Variants in FAM168B observed in about 807,000 individuals in gnomAD.
FAM168B encodes the protein family with sequence similarity 168 member B.
FAM168B carries 19 observed loss-of-function variants against 21.8 expected under a neutral mutation model. The observed-to-expected ratio is 0.87, with a 90% CI of 0.61 to 1.28. The LOEUF is 1.28. Ranked by LOEUF, FAM168B falls within the 50% of genes most tolerant of loss-of-function variation. FAM168B has a pLI of 0.00. For synonymous variants in FAM168B, 126 were observed against 104.8 expected (o/e 1.20, Z -1.24); for missense variants, 233 against 263.1 (o/e 0.89, Z 0.79).
At chr2:131,060,185 C>A (rs1003962648) in intron 3 of FAM168B, among the ~76,000 whole-genome samples, 16 of 152,254 alleles carry the variant, frequency 1.1e-4, no homozygotes, top group African/African-American at 3.4e-4. Context: ...ACCACCACAC[C>A]CAGCTAATTT....
At chr2:131,060,580 T>C (rs183387312) in intron 3 of FAM168B, among the ~76,000 whole-genome samples, 18 of 152,316 alleles carry the variant, frequency 1.2e-4, no homozygotes, top group African/African-American at 3.8e-4. Flanking sequence ...AGGGGGTAAC[T>C]GGGCAAATGT....
rs1353810128 is a variant in FAM168B at position 131,086,961 on chromosome 2, A to T, written c.-11-4304T>A. On this transcript the variant is annotated intron_variant, in intron 1 of 6. Coordinates refer to ENST00000389915, the MANE Select transcript of FAM168B (RefSeq NM_001009993.4). ...GCGCCTGTAGTCCCAGCTACTCGGG[A>T]GGCTGAGGCAGGAGAATGGTGTGAA... 3.4e-5 allele frequency among the ~76,000 whole-genome samples: 4 copies of T among 118,468 alleles called. 1 individual carries two copies. The highest frequency in any genetic ancestry group is 6.3e-5 in the Non-Finnish European group (4 of 63,072). The allele number at this position is 118,468 out of a possible 152,430, so 77.7% of individuals were successfully genotyped here.
intron 1 of FAM168B, among the ~76,000 whole-genome samples, chr2:131,084,190 C>G (rs1402474742): frequency 7.9e-6 from 1 of 126,868 alleles, no homozygotes; most frequent in South Asian, 3.3e-4. Context: ...CTCCCCTCCG[C>G]CCCCCCCACC....
chr2:131,074,516 C>A (rs1279027654), intron 2 of FAM168B, among the ~76,000 whole-genome samples: 2 of 152,128 alleles, frequency 1.3e-5, no homozygotes, highest in Non-Finnish European at 2.9e-5. Flanking sequence ...CTGTGAGAAG[C>A]TGTAACTTCT....
chr2:131,069,252 A>G (rs1456898165), intron 3 of FAM168B, among the ~76,000 whole-genome samples: 1 of 152,254 alleles, frequency 6.6e-6, no homozygotes, highest in African/African-American at 2.4e-5. Context: ...GAAATGAGTA[A>G]AAGTGGGCTA....
chr2:131,076,553 T>C (rs1479829502), intron 2 of FAM168B, among the ~76,000 whole-genome samples: 1 of 150,488 alleles, frequency 6.6e-6, no homozygotes, highest in Admixed American at 6.7e-5. Flanking sequence ...CTCAGGAGGC[T>C]GAGGCAGGAG....
chr2:131,074,912 G>T (rs1216790709), intron 2 of FAM168B, among the ~76,000 whole-genome samples: 1 of 152,130 alleles, frequency 6.6e-6, no homozygotes, highest in Non-Finnish European at 1.5e-5. Context: ...CCAAGCCCTA[G>T]CCCCAGAATC....
chr2:131,080,108 ACT>A (rs1258856843), intron 2 of FAM168B, among the ~76,000 whole-genome samples: 9 of 150,862 alleles, frequency 6.0e-5, no homozygotes, highest in African/African-American at 2.2e-4. Context: ...CAAGAGTGAA[ACT>A]CTGTCTCAGA....
intron 2 of FAM168B, 49 bp from the exon 3 acceptor site, chr2:131,071,987 A>C (rs745539640): frequency 1.4e-5 from 22 of 1,536,498 alleles, no homozygotes; most frequent in Non-Finnish European, 2.0e-5. Context: ...AAGTAGCGAC[A>C]ATCACTAGAG....
Position 131,052,344 on chromosome 2 carries a change from T to C in FAM168B, c.*121A>G, listed in dbSNP as rs1691729277. ...TGCTGGGCCGGGATATAGTCGTGTTTAGCTAAGTGTCGAGAGCATTAAGAA... is the reference window on the plus strand; with the variant it reads ...TGCTGGGCCGGGATATAGTCGTGTTCAGCTAAGTGTCGAGAGCATTAAGAA... On this transcript the variant is annotated 3_prime_UTR_variant, in exon 7 of 7. Coordinates refer to ENST00000389915, the MANE Select transcript of FAM168B (RefSeq NM_001009993.4). 2 of 986,092 alleles carry C rather than the reference T, an allele frequency of 2.0e-6. No individual in the cohort carries two copies. Among genetic ancestry groups the C allele is most frequent in the African/African-American group, 3.5e-5 (2 of 57,262 alleles). 61.1% of individuals were successfully genotyped at this position (986,092 alleles called of 1,614,324 possible).
Position 131,048,636 on chromosome 2 carries a change from C to A in FAM168B, c.*3829G>T. 1 of 1,051,428 alleles carries A rather than the reference C, an allele frequency of 9.5e-7. No homozygotes were observed. The highest frequency in any genetic ancestry group is 3.2e-5 in the South Asian group (1 of 31,602). The allele number at this position is 1,051,428 out of a possible 1,614,324, so 65.1% of individuals were successfully genotyped here. A position where few individuals can be genotyped will look rare whatever the true frequency, so the allele number is the denominator to read the frequency against. ...AGTTGAGCCCCTGGAGCCCTCAGGA[C>A]CTACTGATAAAGCATGTCCTCTGCA... is the stretch of plus-strand genomic sequence containing the variant. On this transcript the variant is annotated 3_prime_UTR_variant, in exon 7 of 7. Transcript: ENST00000389915.
chr2:131,059,695 A>G (rs7561238), intron 3 of FAM168B, among the ~76,000 whole-genome samples: 151,890 of 152,296 alleles, frequency 1, 75,744 homozygotes, highest in Non-Finnish European at 1. Flanking sequence ...CAGTTTAAAC[A>G]AACAAACCCA....
chr2:131,085,870 C>T (rs902379450), intron 1 of FAM168B, among the ~76,000 whole-genome samples: 1 of 152,194 alleles, frequency 6.6e-6, no homozygotes, highest in Non-Finnish European at 1.5e-5. Flanking sequence ...CAGCCGCCTG[C>T]CAAGAGTGCT....
At chr2:131,081,336 C>G (rs1693425425) in intron 2 of FAM168B, among the ~76,000 whole-genome samples, 2 of 152,200 alleles carry the variant, frequency 1.3e-5, no homozygotes, top group African/African-American at 4.8e-5. Context: ...GCAGGCAGAA[C>G]TTTGCCTGCA....
intron 2 of FAM168B, among the ~76,000 whole-genome samples, chr2:131,081,750 G>T (rs1693444559): frequency 6.6e-6 from 1 of 152,128 alleles, no homozygotes; most frequent in African/African-American, 2.4e-5. Flanking sequence ...TAGCACATGT[G>T]CCCAGGACAG....
chr2:131,059,783 T>A (rs1345945373), intron 3 of FAM168B, among the ~76,000 whole-genome samples: 1 of 152,144 alleles, frequency 6.6e-6, no homozygotes, highest in Non-Finnish European at 1.5e-5. Context: ...ACAATCTCAG[T>A]AGTGATAAAA....
intron 2 of FAM168B, among the ~76,000 whole-genome samples, chr2:131,072,576 A>G (rs887335818): frequency 1.7e-4 from 26 of 152,008 alleles, no homozygotes; most frequent in Non-Finnish European, 3.8e-4. Flanking sequence ...CTCCTGCCTC[A>G]GCCTTCCGAG....
Position 131,048,280 on chromosome 2 carries a change from G to T in FAM168B, c.*4185C>A, listed in dbSNP as rs756684866. 7.7e-7 allele frequency: 1 copy of T among 1,304,276 alleles called. No individual in the cohort carries two copies. The highest frequency in any genetic ancestry group is 1.0e-6 in the Non-Finnish European group (1 of 988,946). 80.8% of individuals were successfully genotyped at this position (1,304,276 alleles called of 1,614,324 possible). A position where few individuals can be genotyped will look rare whatever the true frequency, so the allele number is the denominator to read the frequency against. On this transcript the variant is annotated 3_prime_UTR_variant, in exon 7 of 7. Transcript: ENST00000389915. The stretch of plus-strand genomic sequence containing the variant: ...AGCAACCCTGCTAGGAGCACAAACG[G>T]CTGGCCTGAGATCTGGCCCAGCTGC...
intron 2 of FAM168B, among the ~76,000 whole-genome samples, chr2:131,081,387 A>G (rs760739848): frequency 1.1e-4 from 16 of 152,178 alleles, no homozygotes; most frequent in Non-Finnish European, 2.1e-4. Flanking sequence ...ATGCCCCCAC[A>G]GCAGTTCTGC....
Sources: allele counts gnomAD v4.1 joint callset (sites outside exome capture counted in the v4.1 genomes callset), GRCh38; gene constraint gnomAD v4.1.1; transcripts MANE v1.5; gene names NCBI Gene and HGNC (gene_info 2026-07-23, HGNC 2026-07-21).